PLEKHG4B: variants seen among roughly 807,000 people sequenced by gnomAD.
PLEKHG4B encodes pleckstrin homology and RhoGEF domain containing G4B.
PLEKHG4B carries 111 observed loss-of-function variants against 121.3 expected under a neutral mutation model. The observed-to-expected ratio is 0.92, with a 90% confidence interval of 0.78 to 1.07. PLEKHG4B has a LOEUF of 1.07. PLEKHG4B is among the 50% of genes least tolerant of loss of function. PLEKHG4B has a pLI of 0.00. For missense variants in PLEKHG4B, 1,831 were observed against 1,757.8 expected (o/e 1.04, Z -0.74); for synonymous variants, 738 against 725.0 (o/e 1.02, Z -0.29).
chr5:147,536 A>G (rs921969844), intron 6 of PLEKHG4B, among the ~76,000 whole-genome samples: 1 of 152,228 alleles, frequency 6.6e-6, no homozygotes, highest in African/African-American at 2.4e-5. Context: ...GGTGGAAAAA[A>G]GAATACATAT....
chr5:156,038 A>C lies in PLEKHG4B; in HGVS notation c.2209-33A>C. The C allele has an allele frequency of 3.9e-6, 6 of 1,519,380 alleles. No individual in the cohort carries two copies. The highest frequency in any genetic ancestry group is 5.3e-6 in the Non-Finnish European group (6 of 1,127,946). 94.1% of individuals were successfully genotyped at this position (1,519,380 alleles called of 1,614,324 possible). A position where few individuals can be genotyped will look rare whatever the true frequency, so the allele number is the denominator to read the frequency against. ...GGAGGACCTGCCCCTTGGAGGAGGG[A>C]GTTAAAGGCTTATTCCTCCCCATCC... On this transcript the variant is annotated intron_variant, in intron 9 of 19. Coordinates refer to ENST00000637938, the MANE Select transcript of PLEKHG4B (RefSeq NM_052909.5). The surrounding 1 kb of genome is among the most constrained non-coding windows in gnomAD (Gnocchi z 4.4).
chr5:130,205 T>C (rs1734738612), intron 2 of PLEKHG4B, among the ~76,000 whole-genome samples: 1 of 152,000 alleles, frequency 6.6e-6, no homozygotes, highest in Non-Finnish European at 1.5e-5. Context: ...TTCAAAAACA[T>C]CAGCAGAAAA....
chr5:157,059 G>A lies in PLEKHG4B; in HGVS notation c.2487+148G>A. 1 of 1,115,376 alleles carries A rather than the reference G, an allele frequency of 9.0e-7. No homozygotes were observed. The highest frequency in any genetic ancestry group is 1.3e-6 in the Non-Finnish European group (1 of 763,078). The allele number at this position is 1,115,376 out of a possible 1,614,324, so 69.1% of individuals were successfully genotyped here. ...ATTATGTCAGGATAGGGCATGCCTT[G>A]CTGCTTGTGTAAAAAGAAATAAATT... is the stretch of plus-strand genomic sequence containing the variant. On this transcript the variant is annotated intron_variant, in intron 11 of 19. Coordinates refer to ENST00000637938, the MANE Select transcript of PLEKHG4B (RefSeq NM_052909.5). The surrounding 1 kb of genome is among the most constrained non-coding windows in gnomAD (Gnocchi z 4.6).
chr5:132,172 C>G (rs1375406346), intron 2 of PLEKHG4B, among the ~76,000 whole-genome samples: 1 of 147,842 alleles, frequency 6.8e-6, no homozygotes, highest in Non-Finnish European at 1.5e-5. Context: ...AGAGGAGTTA[C>G]GCAAGGAAAA....
At position 135,678 on chromosome 5, in the gene PLEKHG4B, AAAAAATATATATATATATATATAT is replaced by A. The variant is rs1421084013; in HGVS notation, c.244-3803_244-3780del. Among the ~76,000 whole-genome samples the A allele has an allele frequency of 3.9e-3, 203 of 51,704 alleles. 9 individuals carry two copies. Among genetic ancestry groups the A allele is most frequent in the South Asian group, 0.012 (22 of 1,830 alleles). The allele number at this position is 51,704 out of a possible 152,430, so 33.9% of individuals were successfully genotyped here. A position where few individuals can be genotyped will look rare whatever the true frequency, so the allele number is the denominator to read the frequency against. ...AAGACTCCATCTCAAAAAAAAAAAAAAAAAATATATATATATATATATATATATATATATATATATATATATATA... is the reference window on the plus strand; with the variant it reads ...AAGACTCCATCTCAAAAAAAAAAAAAATATATATATATATATATATATATA... On this transcript the variant is annotated intron_variant, in intron 2 of 19. Coordinates refer to ENST00000637938, the MANE Select transcript of PLEKHG4B (RefSeq NM_052909.5).
At chr5:135,441 G>A (rs1318166881) in intron 2 of PLEKHG4B, among the ~76,000 whole-genome samples, 4 of 149,640 alleles carry the variant, frequency 2.7e-5, no homozygotes, top group Non-Finnish European at 5.9e-5. Flanking sequence ...CCGAGGTGGC[G>A]GATCATGAGG....
chr5:100,172 A>G (rs1733760742), intron 1 of PLEKHG4B, among the ~76,000 whole-genome samples: 2 of 152,198 alleles, frequency 1.3e-5, no homozygotes, highest in Non-Finnish European at 2.9e-5. Context: ...CTGCTCTTAA[A>G]TCTCATTACG....
At chr5:123,888 G>T (rs1175796904) in intron 2 of PLEKHG4B, among the ~76,000 whole-genome samples, 1 of 151,262 alleles carries the variant, frequency 6.6e-6, no homozygotes, top group East Asian at 1.9e-4. Context: ...CCTTTCATCT[G>T]CTAGCTTTGG....
chr5:125,940 T>G (rs974439218), intron 2 of PLEKHG4B, among the ~76,000 whole-genome samples: 2 of 152,258 alleles, frequency 1.3e-5, no homozygotes, highest in African/African-American at 4.8e-5. Context: ...CCTTCTGGAC[T>G]TGAAAGATTC....
At chr5:181,786 C>T in intron 19 of PLEKHG4B, 111 bp downstream of exon 19, 1 of 1,438,962 alleles carries the variant, frequency 6.9e-7, no homozygotes, top group South Asian at 1.3e-5. Flanking sequence ...ACAGAGTGCA[C>T]CAGGCCTGTC....
intron 6 of PLEKHG4B, among the ~76,000 whole-genome samples, chr5:146,436 C>G (rs1478485874): frequency 6.7e-6 from 1 of 148,566 alleles, no homozygotes; most frequent in African/African-American, 2.5e-5. Context: ...CCTCCTCTTC[C>G]CTAACCCTGC....
rs190710235 is a variant in PLEKHG4B, at chr5:176,991, T to C, written c.4402+2893T>C. ...TCTAGGACCTGGCACCCCCTCCCCA[T>C]TGCGTCATTGGTCACTTAAGGCCTC... is the stretch of plus-strand genomic sequence containing the variant. On this transcript the variant is annotated intron_variant, in intron 18 of 19. Transcript: ENST00000637938. 5.8e-3 allele frequency among the ~76,000 whole-genome samples: 880 copies of C among 152,284 alleles called. 6 individuals carry two copies. Among genetic ancestry groups the C allele is most frequent in the Non-Finnish European group, 0.01 (687 of 68,006 alleles).
chr5:121,259 AAAAG>A (rs1579255207), intron 2 of PLEKHG4B, among the ~76,000 whole-genome samples: 1 of 152,124 alleles, frequency 6.6e-6, no homozygotes, highest in Non-Finnish European at 1.5e-5. Context: ...AAAAAAAAGA[AAAAG>A]AAAATGGAAA....
intron 2 of PLEKHG4B, among the ~76,000 whole-genome samples, chr5:117,639 G>A: frequency 6.6e-6 from 1 of 152,170 alleles, no homozygotes; most frequent in East Asian, 1.9e-4. Flanking sequence ...GATCACCTGA[G>A]GTCAGGAATT....
intron 6 of PLEKHG4B, among the ~76,000 whole-genome samples, chr5:149,901 C>T (rs896575746): frequency 1.3e-5 from 2 of 152,122 alleles, no homozygotes; most frequent in African/African-American, 2.4e-5. Flanking sequence ...AAACTGGAAC[C>T]CTTGTGCACG....
At chr5:93,552 C>T (rs188591485) in intron 1 of PLEKHG4B, among the ~76,000 whole-genome samples, 3 of 152,220 alleles carry the variant, frequency 2.0e-5, no homozygotes, top group East Asian at 3.9e-4. Flanking sequence ...GTGCGGCATC[C>T]GGTGTGCAAA....
At chr5:150,415 T>TA (rs1281482485) in intron 6 of PLEKHG4B, among the ~76,000 whole-genome samples, 28 of 152,242 alleles carry the variant, frequency 1.8e-4, no homozygotes, top group Admixed American at 7.8e-4. Flanking sequence ...TGAAAAGAGT[T>TA]ATGGAGACGA....
intron 1 of PLEKHG4B, among the ~76,000 whole-genome samples, chr5:111,201 G>C (rs1368025132): frequency 6.6e-6 from 1 of 152,246 alleles, no homozygotes; most frequent in Non-Finnish European, 1.5e-5. Flanking sequence ...AGGAGCATTC[G>C]AAGGCTGCTA....
Position 143,180 on chromosome 5 carries a change from C to A in PLEKHG4B, c.1611C>A (p.Asp537Glu). 6.2e-7 allele frequency: 1 copy of A among 1,611,986 alleles called. No homozygotes were observed. Among genetic ancestry groups the A allele is most frequent in the Non-Finnish European group, 8.5e-7 (1 of 1,180,018 alleles). The change falls in exon 4 of 20, where the codon GAC becomes GAA. Residue 537 changes from aspartate (D) to glutamate (E), a missense_variant. By Grantham distance (45) the Asp-to-Glu change is conservative (BLOSUM62 2). Coordinates refer to ENST00000637938, the MANE Select transcript of PLEKHG4B (RefSeq NM_052909.5). ...AAGGGTGGCCACCCGGCACAGGAGACTTCCCCAGCCAGGTGCCCAAGCAGG... is the reference window on the plus strand; with the variant it reads ...AAGGGTGGCCACCCGGCACAGGAGAATTCCCCAGCCAGGTGCCCAAGCAGG... Reference protein sequence around the residue: ...EQEGWPPGTGDFPSQVPKQVL... With the variant: ...EQEGWPPGTGEFPSQVPKQVL...
Sources: gnomAD v4.1 joint callset for allele counts (sites outside exome capture counted in the v4.1 genomes callset) on GRCh38, gnomAD v4.1.1 for gene constraint, Gnocchi (gnomAD v3.1) non-coding constraint, MANE v1.5 for transcripts, NCBI Gene and HGNC (gene_info 2026-07-23, HGNC 2026-07-21) for gene names.